The following C4orf17 variants were observed in gnomAD, a reference collection of about 807,000 sequenced individuals.
C4orf17 encodes the protein chromosome 4 open reading frame 17.
A neutral mutation model predicts 32.0 loss-of-function variants in C4orf17; 25 were observed. The ratio of observed to expected loss-of-function variants is 0.78; its 90% CI spans 0.57 to 1.09. The LOEUF (loss-of-function observed/expected upper bound fraction) is 1.09. Among genes scored for constraint, C4orf17 ranks in the 50% least tolerant of loss-of-function variants. The probability of loss-of-function intolerance (pLI) is 0.00; values close to 1 mark genes in which losing one functional copy is unlikely to be tolerated. For synonymous variants in C4orf17, 149 were observed against 145.8 expected, an observed-to-expected ratio of 1.02 and a Z score of -0.16; for missense variants, 420 against 420.0, an observed-to-expected ratio of 1.00 and a Z score of 0.00.
rs188903699 is a variant in C4orf17, at chr4:99,524,136, C to T, written c.338-385C>T. 2.7e-3 allele frequency among the ~76,000 whole-genome samples: 403 copies of T among 151,994 alleles called. 4 individuals are homozygous for T. Among genetic ancestry groups the T allele is most frequent in the Admixed American group, 5.2e-3 (80 of 15,262 alleles). On this transcript the variant is annotated intron_variant, in intron 3 of 8. Coordinates refer to ENST00000326581, the MANE Select transcript of C4orf17 (RefSeq NM_032149.3). ...CTGGGACTACAGGCGCCCGCCACCA[C>T]GCCCGGCTAATTTTTTTGTATTTTT...
chr4:99,511,456 AC>A (rs1173435219), intron 1 of C4orf17, among the ~76,000 whole-genome samples, 184 bp downstream of exon 1: 1 of 151,702 alleles, frequency 6.6e-6, no homozygotes, highest in Non-Finnish European at 1.5e-5. Flanking sequence ...GTGTATCACT[AC>A]CCTTTAATCT....
At chr4:99,514,908 A>C (rs1210417656) in intron 2 of C4orf17, among the ~76,000 whole-genome samples, 1 of 152,228 alleles carries the variant, frequency 6.6e-6, no homozygotes, top group Non-Finnish European at 1.5e-5. Context: ...TACACCATGG[A>C]ACACTACTCA....
chr4:99,523,060 A>G (rs1202777083), intron 3 of C4orf17, among the ~76,000 whole-genome samples: 1 of 152,192 alleles, frequency 6.6e-6, no homozygotes, highest in Non-Finnish European at 1.5e-5. Context: ...ACACAGTAAG[A>G]ATGAAATTGC....
At chr4:99,538,492 A>G (rs915602929) in intron 6 of C4orf17, among the ~76,000 whole-genome samples, 1 of 152,250 alleles carries the variant, frequency 6.6e-6, no homozygotes, top group African/African-American at 2.4e-5. Context: ...CTAATGTTTT[A>G]AAGTAGGAAG....
rs1030356518 is a variant in C4orf17 at position 99,542,103 on chromosome 4, G to C, written c.1074G>C (p.Arg358=). The C allele has an allele frequency of 1.2e-6, 2 of 1,613,188 alleles. No homozygotes were observed. Among genetic ancestry groups the C allele is most frequent in the African/African-American group, 2.7e-5 (2 of 74,888 alleles). Residue 358 remains arginine, a synonymous_variant, in exon 9 of 9, where the codon CGG becomes CGC. Transcript: ENST00000326581. ...GAGCATGTTATCCTTCAACACACCG[G>C]AGGTAGAAGTTCTAGACTGGGTGAA... is the stretch of plus-strand genomic sequence containing the variant. ...PQRACYPSTH[R]R
chr4:99,524,019 G>A (rs538217178), intron 3 of C4orf17, among the ~76,000 whole-genome samples: 7 of 129,268 alleles, frequency 5.4e-5, no homozygotes, highest in South Asian at 4.8e-4. Context: ...TTGCTCTGTC[G>A]CCCAGCCTGG....
At chr4:99,529,741 A>G in intron 4 of C4orf17, 74 bp from the exon 5 acceptor site, 1 of 1,279,958 alleles carries the variant, frequency 7.8e-7, no homozygotes, top group Non-Finnish European at 1.1e-6. Context: ...TTTCTCATTC[A>G]TTTTACATTG....
chr4:99,539,862 G>C (rs1723627625), intron 7 of C4orf17, among the ~76,000 whole-genome samples: 1 of 151,946 alleles, frequency 6.6e-6, no homozygotes, highest in South Asian at 2.1e-4. Context: ...CCCCTAGAGA[G>C]AAAAATAACT....
At chr4:99,523,976 CTT>C (rs34303512) in intron 3 of C4orf17, among the ~76,000 whole-genome samples, 9,217 of 113,822 alleles carry the variant, frequency 0.081, 377 homozygotes, top group African/African-American at 0.2. Flanking sequence ...AAAATATATA[CTT>C]TTTTTTTTTT....
At chr4:99,523,321 T>C (rs1287488266) in intron 3 of C4orf17, among the ~76,000 whole-genome samples, 2 of 152,222 alleles carry the variant, frequency 1.3e-5, no homozygotes. Flanking sequence ...CCAGTTCTCT[T>C]TTTCTTGCCC....
chr4:99,515,921 C>T (rs1723173444), intron 2 of C4orf17, among the ~76,000 whole-genome samples: 1 of 152,088 alleles, frequency 6.6e-6, no homozygotes, highest in South Asian at 2.1e-4. Context: ...ACAAACATCC[C>T]TGCTATGATC....
intron 3 of C4orf17, among the ~76,000 whole-genome samples, chr4:99,522,925 G>T (rs948284022): frequency 2.6e-5 from 4 of 151,962 alleles, no homozygotes; most frequent in Admixed American, 6.6e-5. Flanking sequence ...TATTAATAGT[G>T]CCTAAGACAT....
Position 99,542,161 on chromosome 4 carries a change from C to A in C4orf17, c.*52C>A. On this transcript the variant is annotated 3_prime_UTR_variant, in exon 9 of 9. Transcript: ENST00000326581. ...ATGAATATGAGCTTCACATTTACATCATCAAATTATTTTTCAAATGAATAT... is the reference window on the plus strand; with the variant it reads ...ATGAATATGAGCTTCACATTTACATAATCAAATTATTTTTCAAATGAATAT... The A allele has an allele frequency of 6.8e-7, 1 of 1,470,854 alleles. No individual in the cohort carries two copies. Among genetic ancestry groups the A allele is most frequent in the Non-Finnish European group, 9.5e-7 (1 of 1,055,296 alleles). The allele number at this position is 1,470,854 out of a possible 1,614,324, so 91.1% of individuals were successfully genotyped here.
At chr4:99,522,123 G>T (rs866237531) in intron 2 of C4orf17, among the ~76,000 whole-genome samples, 7 of 152,154 alleles carry the variant, frequency 4.6e-5, no homozygotes, top group Middle Eastern at 3.4e-3. Flanking sequence ...TTTAAATCTG[G>T]CATTCATGAA....
At chr4:99,518,508 AAAAAAAAAAAATAT>A (rs1219382097) in intron 2 of C4orf17, among the ~76,000 whole-genome samples, 7 of 70,630 alleles carry the variant, frequency 9.9e-5, no homozygotes, top group African/African-American at 6.2e-4. Flanking sequence ...AAAAAAAAAA[AAAAAAAAAAAATAT>A]ATATATATAT....
At chr4:99,532,929 T>C (rs948298917) in intron 5 of C4orf17, among the ~76,000 whole-genome samples, 1 of 152,154 alleles carries the variant, frequency 6.6e-6, no homozygotes, top group Non-Finnish European at 1.5e-5. Flanking sequence ...AAGAGAAGTG[T>C]GGAAGAGATC....
Position 99,524,602 on chromosome 4 carries a change from T to C in C4orf17, c.402+17T>C, listed in dbSNP as rs1208217070. 2.0e-6 allele frequency: 3 copies of C among 1,484,002 alleles called. No individual in the cohort carries two copies. In the Admixed American group the frequency reaches 5.4e-5, roughly 27 times the overall value. 91.9% of individuals were successfully genotyped at this position (1,484,002 alleles called of 1,614,324 possible). A position where few individuals can be genotyped will look rare whatever the true frequency, so the allele number is the denominator to read the frequency against. On this transcript the variant is annotated intron_variant, in intron 4 of 8. Coordinates refer to ENST00000326581, the MANE Select transcript of C4orf17 (RefSeq NM_032149.3). ...ATTAAAAAGGTAAGGAACAGCTATT[T>C]ACTGCTATCTATTTAGTTTGACTTC... is the stretch of plus-strand genomic sequence containing the variant.
At chr4:99,533,012 C>A (rs1281658847) in intron 5 of C4orf17, among the ~76,000 whole-genome samples, 1 of 152,080 alleles carries the variant, frequency 6.6e-6, no homozygotes, top group African/African-American at 2.4e-5. Context: ...CAACGAACAA[C>A]AATTAATATG....
intron 2 of C4orf17, among the ~76,000 whole-genome samples, chr4:99,520,761 A>T (rs1723274666): frequency 6.6e-6 from 1 of 152,220 alleles, no homozygotes; most frequent in Non-Finnish European, 1.5e-5. Context: ...GGTCCCATTT[A>T]CAAACTTTGT....
Sources: allele counts gnomAD v4.1 joint callset (sites outside exome capture counted in the v4.1 genomes callset), GRCh38; gene constraint gnomAD v4.1.1; transcripts MANE v1.5; gene names NCBI Gene and HGNC (gene_info 2026-07-23, HGNC 2026-07-21).